Variants in ANO3 observed in about 807,000 individuals in gnomAD.
ANO3 encodes the protein anoctamin-3.
In ANO3, 99 loss-of-function variants were observed where a neutral mutation model predicts 144.8. That is an observed-to-expected ratio of 0.68 (90% CI 0.58 to 0.81). The LOEUF is 0.81. Among genes scored for constraint, ANO3 ranks in the 30% least tolerant of loss-of-function variants. ANO3 has a pLI of 0.00. For synonymous variants in ANO3, 414 were observed against 392.6 expected (o/e 1.05, Z -0.64); for missense variants, 905 against 1,202.2 (o/e 0.75, Z 3.66).
At chr11:26,544,273 T>TATATATATATATATATGTATAC in intron 11 of ANO3, among the ~76,000 whole-genome samples, 1 of 58,544 alleles carries the variant, frequency 1.7e-5, no homozygotes, top group Non-Finnish European at 3.6e-5. Flanking sequence ...TATATATATA[T>TATATATATATATATATGTATAC]ACACACATAC....
chr11:26,483,832 G>A (rs1860328831), intron 4 of ANO3, among the ~76,000 whole-genome samples: 1 of 152,134 alleles, frequency 6.6e-6, no homozygotes, highest in Non-Finnish European at 1.5e-5. Context: ...GAAAGATGAG[G>A]AAGTTTGGAA....
chr11:26,611,390 G>A (rs963271473), intron 17 of ANO3, among the ~76,000 whole-genome samples: 1 of 151,934 alleles, frequency 6.6e-6, no homozygotes, highest in Non-Finnish European at 1.5e-5. Flanking sequence ...TTAGAAGTAT[G>A]CTGTTCAATT....
chr11:26,551,678 G>GT (rs1324702405), intron 12 of ANO3, among the ~76,000 whole-genome samples: 1 of 151,838 alleles, frequency 6.6e-6, no homozygotes, highest in Non-Finnish European at 1.5e-5. Context: ...AGGACAAATT[G>GT]TATCATTTGT....
chr11:26,565,340 T>G (rs894898924), intron 14 of ANO3: 2 of 1,612,136 alleles, frequency 1.2e-6, no homozygotes, highest in African/African-American at 1.3e-5. Context: ...AAGTTGGTTC[T>G]GAAGAGAGGA....
Position 26,318,329 on chromosome 11 carries a change from A to G in ANO3, c.-3+8610A>G, listed in dbSNP as rs563552682. 1.2e-4 allele frequency among the ~76,000 whole-genome samples: 18 copies of G among 152,292 alleles called. 1 individual carries two copies. Among genetic ancestry groups the G allele is most frequent in the Middle Eastern group, 3.4e-3 (1 of 294 alleles). Reference sequence around the variant, plus strand: ...ACCAAGGCTGAGAGAAATACAATGTACTCAGGCACATTCCATAGCAATTAA... The same window carrying G: ...ACCAAGGCTGAGAGAAATACAATGTGCTCAGGCACATTCCATAGCAATTAA... On this transcript the variant is annotated intron_variant, in intron 1 of 26. Coordinates refer to the ANO3 transcript ENST00000525139.
rs1850207687 is a variant in ANO3, at chr11:26,559,759, C to G, written c.1427C>G (p.Ala476Gly). 5 of 1,609,118 alleles carry G rather than the reference C, an allele frequency of 3.1e-6. No homozygotes were observed. Among genetic ancestry groups the G allele is most frequent in the Non-Finnish European group, 4.2e-6 (5 of 1,176,958 alleles). The change falls in exon 14 of 27, where the codon GCT (alanine) becomes GGT (glycine). Residue 476 changes from alanine (A) to glycine (G), a missense_variant. Around this residue, in one of 4 missense-constraint regions of ANO3, gnomAD observed 597 missense variants for 865.1 expected, o/e 0.69. Transcript: ENST00000256737. ...LFDNGGTVFFAIFMAIWATVF... is the reference protein window; with the variant it reads ...LFDNGGTVFFGIFMAIWATVF... ...GATAATGGAGGGACAGTCTTCTTTGCTATTTTTATGGCAATATGGGGTAAG... is the reference window on the plus strand; with the variant it reads ...GATAATGGAGGGACAGTCTTCTTTGGTATTTTTATGGCAATATGGGGTAAG...
At chr11:26,567,759 C>T (rs1850650574) in intron 14 of ANO3, among the ~76,000 whole-genome samples, 1 of 151,876 alleles carries the variant, frequency 6.6e-6, no homozygotes, top group South Asian at 2.1e-4. Context: ...TTTATAAGAG[C>T]CTCAAACCTA....
intron 1 of ANO3, among the ~76,000 whole-genome samples, chr11:26,414,772 A>G (rs569517606): frequency 1.6e-3 from 248 of 151,968 alleles, no homozygotes; most frequent in South Asian, 9.1e-3. Context: ...AAAAAAAAAA[A>G]AAAGAAAGAA....
chr11:26,637,379 G>T (rs1261660307), intron 20 of ANO3, among the ~76,000 whole-genome samples: 2 of 152,092 alleles, frequency 1.3e-5, no homozygotes, highest in African/African-American at 4.8e-5. Flanking sequence ...TTGGTAAATG[G>T]AATTCATCCT....
intron 1 of ANO3, among the ~76,000 whole-genome samples, chr11:26,412,409 A>T (rs1857456625): frequency 6.6e-6 from 1 of 152,122 alleles, no homozygotes; most frequent in Admixed American, 6.6e-5. Flanking sequence ...AATAATCAAA[A>T]TAATGAAAAT....
intron 14 of ANO3, among the ~76,000 whole-genome samples, chr11:26,589,744 C>T (rs939035017): frequency 1.2e-4 from 18 of 152,152 alleles, no homozygotes; most frequent in African/African-American, 3.9e-4. Context: ...CCTTCCTGTC[C>T]GGCTCCTCTC....
chr11:26,599,577 G>T lies in ANO3; in HGVS notation c.1699G>T (p.Gly567Ter). 1 of 1,614,006 alleles carries T rather than the reference G, an allele frequency of 6.2e-7. No individual in the cohort carries two copies. Among genetic ancestry groups the T allele is most frequent in the Non-Finnish European group, 8.5e-7 (1 of 1,179,958 alleles). Residue 567 changes from glycine to a stop codon, truncating the protein, a stop_gained, in exon 17 of 27, where the codon GGA becomes TGA. Coordinates refer to ENST00000256737, the MANE Select transcript of ANO3 (RefSeq NM_031418.4). LOFTEE classifies it high-confidence loss of function. ...ATCCTTGGTGATCACTGCAGTGTTT[G>T]GAGTTGTGGTGTACCGCCTGGTTGT... is the stretch of plus-strand genomic sequence containing the variant. ...MISLVITAVF[G>*]VVVYRLVVME...
chr11:26,630,916 A>G (rs1852756838), intron 18 of ANO3, among the ~76,000 whole-genome samples: 1 of 152,098 alleles, frequency 6.6e-6, no homozygotes, highest in Admixed American at 6.5e-5. Context: ...AGAGTTTCAT[A>G]GAATCAACCC....
intron 6 of ANO3, among the ~76,000 whole-genome samples, chr11:26,518,693 A>G (rs1332618374): frequency 6.6e-6 from 1 of 152,016 alleles, no homozygotes; most frequent in African/African-American, 2.4e-5. Flanking sequence ...CAACTTTGCA[A>G]TGAAATATAG....
chr11:26,539,127 G>C (rs927805245), intron 10 of ANO3, among the ~76,000 whole-genome samples: 2 of 84,230 alleles, frequency 2.4e-5, no homozygotes, highest in African/African-American at 8.5e-5. Context: ...AAGGGAACAA[G>C]AGAAATACAC....
intron 3 of ANO3, among the ~76,000 whole-genome samples, chr11:26,449,317 G>C (rs1858826450): frequency 6.6e-6 from 1 of 152,106 alleles, no homozygotes; most frequent in Non-Finnish European, 1.5e-5. Context: ...CCCCAATTCT[G>C]TGTTTCCAGA....
chr11:26,233,440 T>C (rs11029406), intron 1 of ANO3, among the ~76,000 whole-genome samples: 54,875 of 151,908 alleles, frequency 0.36, 11,028 homozygotes, highest in Non-Finnish European at 0.44. Flanking sequence ...AGTCAGGAAA[T>C]GACAGATGCT....
intron 1 of ANO3, among the ~76,000 whole-genome samples, chr11:26,362,914 A>G (rs1855965568): frequency 6.6e-6 from 1 of 152,198 alleles, no homozygotes; most frequent in Admixed American, 6.5e-5. Context: ...ATAAATTGGA[A>G]TCTTCCCCTA....
At chr11:26,595,457 G>GTTTTTTTTTTTTTTTTTTTTTT (rs1411703035) in intron 14 of ANO3, among the ~76,000 whole-genome samples, 1 of 67,838 alleles carries the variant, frequency 1.5e-5, no homozygotes, top group African/African-American at 6.5e-5. Flanking sequence ...TTGAGATAGA[G>GTTTTTTTTTTTTTTTTTTTTTT]TTGTTTTTTT....
Sources: gnomAD v4.1 joint callset for allele counts (sites outside exome capture counted in the v4.1 genomes callset) on GRCh38, gnomAD v4.1.1 for gene constraint, gnomAD v4.1.1 regional missense constraint, MANE v1.5 for transcripts, NCBI Gene and HGNC (gene_info 2026-07-23, HGNC 2026-07-21) for gene names.